The following PTPRD variants were observed in gnomAD, a reference collection of about 807,000 sequenced individuals.
PTPRD encodes the protein protein tyrosine phosphatase receptor type D.
In PTPRD, 34 loss-of-function variants were observed where a neutral mutation model predicts 214.5. The ratio of observed to expected loss-of-function variants is 0.16; its 90% CI spans 0.12 to 0.21. The LOEUF (loss-of-function observed/expected upper bound fraction) is 0.21, where lower values mean the gene tolerates loss of function less well. Among genes scored for constraint, PTPRD ranks in the 10% least tolerant of loss-of-function variants. The probability of loss-of-function intolerance (pLI) is 1.00; values close to 1 mark genes in which losing one functional copy is unlikely to be tolerated. For missense variants in PTPRD, 2,545 were observed against 2,398.7 expected, an observed-to-expected ratio of 1.06 and a Z score of -1.27; for synonymous variants, 1,128 against 845.7, an observed-to-expected ratio of 1.33 and a Z score of -5.79.
chr9:8,919,538 A>T (rs1186108794), intron 11 of PTPRD, among the ~76,000 whole-genome samples: 1 of 152,180 alleles, frequency 6.6e-6, no homozygotes, highest in Non-Finnish European at 1.5e-5. Context: ...AGCTTAGCAA[A>T]ACCTGCTGAT....
At chr9:8,730,070 C>T (rs1329727648) in intron 12 of PTPRD, among the ~76,000 whole-genome samples, 1 of 152,128 alleles carries the variant, frequency 6.6e-6, no homozygotes, top group Non-Finnish European at 1.5e-5. Flanking sequence ...TCCTGGCTAA[C>T]ACAGTGAAAC....
chr9:9,583,224 T>C (rs1563853132), intron 7 of PTPRD, among the ~76,000 whole-genome samples: 1 of 152,054 alleles, frequency 6.6e-6, no homozygotes, highest in Non-Finnish European at 1.5e-5. Flanking sequence ...GTATCAATGA[T>C]ATATAAAATA....
At chr9:9,923,152 G>GTGTGTA (rs2083133736) in intron 5 of PTPRD, among the ~76,000 whole-genome samples, 1 of 150,088 alleles carries the variant, frequency 6.7e-6, no homozygotes, top group Non-Finnish European at 1.5e-5. Flanking sequence ...GTGTGTGTAT[G>GTGTGTA]TACAGAAAAA....
At chr9:9,866,748 CTG>C (rs1394757746) in intron 5 of PTPRD, among the ~76,000 whole-genome samples, 1 of 151,934 alleles carries the variant, frequency 6.6e-6, no homozygotes, top group Non-Finnish European at 1.5e-5. Flanking sequence ...TATTTTATGA[CTG>C]TATTTATATC....
At chr9:8,781,934 T>C (rs2095715971) in intron 11 of PTPRD, among the ~76,000 whole-genome samples, 1 of 152,104 alleles carries the variant, frequency 6.6e-6, no homozygotes, top group Non-Finnish European at 1.5e-5. Context: ...AGTAAATCAA[T>C]TTAAAAGTAT....
chr9:10,031,951 A>G (rs1209617672), intron 4 of PTPRD, among the ~76,000 whole-genome samples: 1 of 152,104 alleles, frequency 6.6e-6, no homozygotes, highest in Admixed American at 6.5e-5. Context: ...AAGTGGAATC[A>G]GGAATTAGGA....
chr9:9,514,955 A>G (rs1197422192), intron 8 of PTPRD, among the ~76,000 whole-genome samples: 1 of 152,050 alleles, frequency 6.6e-6, no homozygotes, highest in Non-Finnish European at 1.5e-5. Context: ...TGATTTGAGG[A>G]CTTTTTTTAA....
chr9:9,114,745 T>A (rs1248552973), intron 10 of PTPRD, among the ~76,000 whole-genome samples: 1 of 152,060 alleles, frequency 6.6e-6, no homozygotes, highest in East Asian at 1.9e-4. Flanking sequence ...CTCCTCTTTC[T>A]ATAGTTAAGC....
chr9:8,786,035 G>T (rs7872750), intron 11 of PTPRD, among the ~76,000 whole-genome samples: 2 of 45,630 alleles, frequency 4.4e-5, no homozygotes, highest in South Asian at 1.3e-3. Flanking sequence ...TTAATTTGTT[G>T]TGTGTGTGTG....
intron 44 of PTPRD, among the ~76,000 whole-genome samples, chr9:8,321,301 T>C (rs939937816): frequency 6.6e-6 from 1 of 151,486 alleles, no homozygotes; most frequent in African/African-American, 2.4e-5. Context: ...AACAAAAACA[T>C]TGGGTTACTT....
intron 35 of PTPRD, among the ~76,000 whole-genome samples, chr9:8,422,014 T>C (rs559245049): frequency 6.6e-6 from 1 of 150,516 alleles, no homozygotes; most frequent in African/African-American, 2.4e-5. Flanking sequence ...AGTGGGGTGG[T>C]GTGTGTTTGT....
chr9:8,575,448 G>T (rs889658925), intron 14 of PTPRD, among the ~76,000 whole-genome samples: 4 of 152,038 alleles, frequency 2.6e-5, no homozygotes, highest in African/African-American at 7.2e-5. Context: ...ATTCATATGT[G>T]CTGGTGAACT....
intron 34 of PTPRD, among the ~76,000 whole-genome samples, chr9:8,443,176 A>G (rs982389267): frequency 1.3e-5 from 2 of 152,220 alleles, no homozygotes; most frequent in African/African-American, 2.4e-5. Flanking sequence ...GTAAAATTCA[A>G]TTCTAATGGA....
chr9:8,518,103 T>C lies in PTPRD; in HGVS notation c.1288A>G (p.Ser430Gly), dbSNP rs1488445985. ...CACTGTACCAAAATGGTGGTCGAACTCAACATTCGTGCCTGGACATCCCTC... is the reference window on the plus strand; with the variant it reads ...CACTGTACCAAAATGGTGGTCGAACCCAACATTCGTGCCTGGACATCCCTC... ...APRDVQARML[S>G]STTILVQWKE... The change falls in exon 21 of 46, where the codon AGT (serine) becomes GGT (glycine). Residue 430 changes from serine (S) to glycine (G), a missense_variant. Ser to Gly is a moderately conservative substitution (Grantham distance 56). Coordinates refer to ENST00000381196, the MANE Select transcript of PTPRD (RefSeq NM_002839.4). The C allele has an allele frequency of 6.2e-6, 10 of 1,614,060 alleles. No individual in the cohort carries two copies. The Admixed American group carries it at 1.2e-4, about 19-fold the overall frequency.
chr9:8,567,000 C>T (rs144082262), intron 14 of PTPRD, among the ~76,000 whole-genome samples: 2 of 152,258 alleles, frequency 1.3e-5, no homozygotes, highest in African/African-American at 4.8e-5. Flanking sequence ...TCTCTCCTCA[C>T]ATAAACTCCG....
At chr9:8,480,935 C>A (rs900898417) in intron 30 of PTPRD, among the ~76,000 whole-genome samples, 1 of 151,916 alleles carries the variant, frequency 6.6e-6, no homozygotes, top group Non-Finnish European at 1.5e-5. Context: ...GTCAGGAGAT[C>A]GAGACCAACC....
At chr9:10,223,159 G>C (rs2099576984) in intron 3 of PTPRD, among the ~76,000 whole-genome samples, 2 of 151,336 alleles carry the variant, frequency 1.3e-5, no homozygotes, top group South Asian at 4.2e-4. Flanking sequence ...TTCCTAATGT[G>C]TCTCTTCTCT....
chr9:8,620,138 G>A (rs543231983), intron 14 of PTPRD, among the ~76,000 whole-genome samples: 4 of 152,042 alleles, frequency 2.6e-5, no homozygotes, highest in East Asian at 3.9e-4. Flanking sequence ...TGCATTGAAC[G>A]CTTGGTAATT....
Position 9,085,643 on chromosome 9 carries a change from T to C in PTPRD, c.-142-66908A>G, listed in dbSNP as rs112301650. Among the ~76,000 whole-genome samples, 1,351 of 152,000 alleles carry C rather than the reference T, an allele frequency of 8.9e-3. 9 individuals are homozygous for C. The highest frequency in any genetic ancestry group is 0.015 in the Non-Finnish European group (1,030 of 67,982). The stretch of plus-strand genomic sequence containing the variant: ...ATTTTTAAAATGTCACTACTCAGGG[T>C]TAATGCTCTTTTTTTTTTTGACATT... On this transcript the variant is annotated intron_variant, in intron 10 of 45. Coordinates refer to ENST00000381196, the MANE Select transcript of PTPRD (RefSeq NM_002839.4).
Sources: allele counts gnomAD v4.1 joint callset (sites outside exome capture counted in the v4.1 genomes callset), GRCh38; gene constraint gnomAD v4.1.1; transcripts MANE v1.5; gene names NCBI Gene and HGNC (gene_info 2026-07-23, HGNC 2026-07-21).